SFI1: variants seen among roughly 807,000 people sequenced by gnomAD.
The protein encoded by SFI1 is SFI1 centrin binding protein.
SFI1 carries 195 observed loss-of-function variants against 207.5 expected under a neutral mutation model. The observed-to-expected ratio is 0.94, with a 90% CI of 0.84 to 1.06. The LOEUF (loss-of-function observed/expected upper bound fraction) is 1.06, where lower values mean the gene tolerates loss of function less well. Ranked by LOEUF, SFI1 falls within the 50% of genes least tolerant of loss-of-function variation. The probability of loss-of-function intolerance (pLI) is 0.00; values close to 1 mark genes in which losing one functional copy is unlikely to be tolerated. For synonymous variants in SFI1, 630 were observed against 598.9 expected, an observed-to-expected ratio of 1.05 and a Z score of -0.76; for missense variants, 1,634 against 1,588.0, an observed-to-expected ratio of 1.03 and a Z score of -0.49.
rs578019331 is a variant in SFI1, at chr22:31,522,496, C to T, written c.93-6194C>T. Among the ~76,000 whole-genome samples the T allele has an allele frequency of 1.2e-4, 18 of 152,282 alleles. No individual in the cohort carries two copies. In the South Asian group the frequency reaches 2.7e-3, roughly 23 times the overall value. On this transcript the variant is annotated intron_variant, in intron 2 of 32. Coordinates refer to ENST00000400288, the MANE Select transcript of SFI1 (RefSeq NM_001007467.3). ...ATTCATTAAATGGTATCTCCTCATT[C>T]CTCCTACCCTAACCCTTTATAACCT...
At chr22:31,506,359 C>CT (rs2054634139) in intron 1 of SFI1, among the ~76,000 whole-genome samples, 2 of 151,770 alleles carry the variant, frequency 1.3e-5, no homozygotes, top group Admixed American at 6.6e-5. Flanking sequence ...GAAATTCTGT[C>CT]TTTAAAAAAA....
rs2072236714 is a variant in SFI1 at position 31,618,507 on chromosome 22, T to TTTTA, written c.*93_*96dup. On this transcript the variant is annotated 3_prime_UTR_variant, in exon 33 of 33. Transcript: ENST00000400288. ...AGAACACAGTTTTAAGTTTGATTTT[T>TTTTA]TTTATTTCAAAATGCTTTGCAATTA... 3 of 1,280,954 alleles carry TTTTA rather than the reference T, an allele frequency of 2.3e-6. No homozygotes were observed. The highest frequency in any genetic ancestry group is 3.1e-6 in the Non-Finnish European group (3 of 977,060). 79.3% of individuals were successfully genotyped at this position (1,280,954 alleles called of 1,614,324 possible). A position where few individuals can be genotyped will look rare whatever the true frequency, so the allele number is the denominator to read the frequency against.
chr22:31,521,975 G>C (rs894463137), intron 2 of SFI1, among the ~76,000 whole-genome samples: 2 of 151,214 alleles, frequency 1.3e-5, no homozygotes, highest in Admixed American at 6.6e-5. Flanking sequence ...ATGTTGGCCA[G>C]ACTGGTCTTG....
intron 4 of SFI1, among the ~76,000 whole-genome samples, chr22:31,538,048 T>G (rs1475671716): frequency 1.3e-5 from 2 of 152,216 alleles, no homozygotes; most frequent in Non-Finnish European, 2.9e-5. Context: ...CTTGGCTCAC[T>G]GCAACTTTCG....
chr22:31,543,651 A>G (rs1776740378), intron 4 of SFI1, among the ~76,000 whole-genome samples: 1 of 151,944 alleles, frequency 6.6e-6, no homozygotes, highest in South Asian at 2.1e-4. Flanking sequence ...CTTTACTAAA[A>G]GTACAAAAAT....
chr22:31,500,441 CAAT>C (rs2053552192), intron 1 of SFI1, among the ~76,000 whole-genome samples: 1 of 152,036 alleles, frequency 6.6e-6, no homozygotes, highest in African/African-American at 2.4e-5. Context: ...CATTTTTTAG[CAAT>C]AAGGTGTTTT....
rs2060163361 is a variant in SFI1 at position 31,547,115 on chromosome 22, A to G, written c.449+144A>G. ...TCCTTTTTGGAGTTAGCAAGATCAG[A>G]GTTCCAAATTAAACCCAAGCATGCA... On this transcript the variant is annotated intron_variant, in intron 5 of 32. Coordinates refer to ENST00000400288, the MANE Select transcript of SFI1 (RefSeq NM_001007467.3). 4 of 591,508 alleles carry G rather than the reference A, an allele frequency of 6.8e-6. No individual in the cohort carries two copies. The South Asian group carries it at 8.5e-5, about 13-fold the overall frequency. 36.6% of individuals were successfully genotyped at this position (591,508 alleles called of 1,614,324 possible). A position where few individuals can be genotyped will look rare whatever the true frequency, so the allele number is the denominator to read the frequency against.
intron 4 of SFI1, among the ~76,000 whole-genome samples, chr22:31,539,023 C>G (rs2059245767): frequency 6.6e-6 from 1 of 152,178 alleles, no homozygotes; most frequent in South Asian, 2.1e-4. Context: ...GAAACTCCAT[C>G]CTTCCAAGTG....
chr22:31,590,967 A>ATTTTT (rs1005027663), intron 15 of SFI1, among the ~76,000 whole-genome samples: 45 of 144,958 alleles, frequency 3.1e-4, no homozygotes, highest in South Asian at 6.5e-4. Context: ...TTATTTATTT[A>ATTTTT]TTTATTTATT....
chr22:31,549,892 G>T (rs1196514507), intron 5 of SFI1, among the ~76,000 whole-genome samples: 2 of 151,348 alleles, frequency 1.3e-5, no homozygotes, highest in African/African-American at 4.9e-5. Flanking sequence ...AACAGACTTG[G>T]TGTGTTGGGT....
At chr22:31,526,273 G>C (rs908325349) in intron 2 of SFI1, among the ~76,000 whole-genome samples, 2 of 152,152 alleles carry the variant, frequency 1.3e-5, no homozygotes, top group African/African-American at 4.8e-5. Flanking sequence ...TCATAGTTCT[G>C]CATTTCTAGA....
intron 1 of SFI1, among the ~76,000 whole-genome samples, chr22:31,507,657 A>C (rs1014775822): frequency 2.6e-5 from 4 of 152,202 alleles, no homozygotes; most frequent in Non-Finnish European, 4.4e-5. Context: ...TTATGAGATA[A>C]AAACAGCCCC....
chr22:31,524,428 C>CT (rs930075359), intron 2 of SFI1, among the ~76,000 whole-genome samples: 77 of 145,650 alleles, frequency 5.3e-4, no homozygotes, highest in East Asian at 6.0e-4. Flanking sequence ...GCTCCCCTCA[C>CT]TTTTTTTTTT....
At chr22:31,597,304 G>T (rs956660744) in intron 15 of SFI1, among the ~76,000 whole-genome samples, 1 of 152,152 alleles carries the variant, frequency 6.6e-6, no homozygotes, top group Non-Finnish European at 1.5e-5. Flanking sequence ...TTGGAGACAG[G>T]GTATAGCCAG....
chr22:31,570,323 G>A (rs1022246169), intron 8 of SFI1, among the ~76,000 whole-genome samples: 4 of 152,114 alleles, frequency 2.6e-5, no homozygotes, highest in Non-Finnish European at 2.9e-5. Context: ...AAGTTTTAGC[G>A]TCCAAGATGA....
At position 31,585,133 on chromosome 22, in the gene SFI1, A is replaced by G. The variant is rs371353301; in HGVS notation, c.1412A>G (p.Gln471Arg). Residue 471 changes from glutamine (Q) to arginine (R), a missense_variant and splice_region_variant, in exon 14 of 33, where the codon CAG (glutamine) becomes CGG (arginine). Gln to Arg is a conservative substitution (Grantham distance 43). Transcript: ENST00000400288. ...LQYTQKRRYK[Q>R]LLQARADGHF... Reference sequence around the variant, plus strand: ...TATACTCAGAAGAGGCGGTACAAGCAGGTATGGAGTACTTTTTAGCAGATA... The same window carrying G: ...TATACTCAGAAGAGGCGGTACAAGCGGGTATGGAGTACTTTTTAGCAGATA... 137 of 1,613,540 alleles carry G rather than the reference A, an allele frequency of 8.5e-5. No individual in the cohort carries two copies. Among genetic ancestry groups the G allele is most frequent in the Middle Eastern group, 1.6e-4 (1 of 6,084 alleles).
At chr22:31,616,967 T>C in intron 30 of SFI1, 33 bp from the exon 31 acceptor site, 1 of 1,613,732 alleles carries the variant, frequency 6.2e-7, no homozygotes, top group Non-Finnish European at 8.5e-7. Flanking sequence ...GAGGGGAAAA[T>C]AGTCTGAAAC....
At chr22:31,595,184 G>A (rs902979149) in intron 15 of SFI1, among the ~76,000 whole-genome samples, 7 of 151,722 alleles carry the variant, frequency 4.6e-5, no homozygotes, top group African/African-American at 1.5e-4. Context: ...CTTTAGTAGG[G>A]ACGGGGTTTC....
At chr22:31,525,792 C>T (rs1375288624) in intron 2 of SFI1, among the ~76,000 whole-genome samples, 2 of 152,040 alleles carry the variant, frequency 1.3e-5, no homozygotes, top group Non-Finnish European at 2.9e-5. Flanking sequence ...ACTTGATACT[C>T]TCTGTTCTGT....
Sources: allele counts gnomAD v4.1 joint callset (sites outside exome capture counted in the v4.1 genomes callset), GRCh38; gene constraint gnomAD v4.1.1; transcripts MANE v1.5; gene names NCBI Gene and HGNC (gene_info 2026-07-23, HGNC 2026-07-21).